The following CDH12 variants were observed in gnomAD, a reference collection of about 807,000 sequenced individuals.
CDH12 encodes cadherin-12.
A neutral mutation model predicts 74.1 loss-of-function variants in CDH12; 41 were observed. The ratio of observed to expected loss-of-function variants is 0.55; its 90% confidence interval spans 0.43 to 0.72. The LOEUF is 0.72. CDH12 is among the 30% of genes least tolerant of loss of function. The pLI is 0.00. For synonymous variants in CDH12, 399 were observed against 355.0 expected, an observed-to-expected ratio of 1.12 and a Z score of -1.39; for missense variants, 945 against 977.2, an observed-to-expected ratio of 0.97 and a Z score of 0.44.
At chr5:22,850,756 G>C (rs1331286960) in intron 1 of CDH12, among the ~76,000 whole-genome samples, 1 of 152,048 alleles carries the variant, frequency 6.6e-6, no homozygotes, top group Non-Finnish European at 1.5e-5. Flanking sequence ...TTACAACAGA[G>C]TCTGCTAGTA....
intron 4 of CDH12, among the ~76,000 whole-genome samples, chr5:22,160,271 T>TAA (rs1748266538): frequency 1.3e-5 from 2 of 152,162 alleles, no homozygotes; most frequent in Non-Finnish European, 2.9e-5. Flanking sequence ...CAAAACAAAA[T>TAA]AAATTATTAA....
At chr5:21,859,883 A>T (rs921628695) in intron 6 of CDH12, among the ~76,000 whole-genome samples, 2 of 151,954 alleles carry the variant, frequency 1.3e-5, no homozygotes, top group African/African-American at 2.4e-5. Flanking sequence ...GAATACAGGA[A>T]ATCTCTTAGG....
chr5:21,892,320 G>A (rs919691409), intron 6 of CDH12, among the ~76,000 whole-genome samples: 1 of 152,108 alleles, frequency 6.6e-6, no homozygotes, highest in Admixed American at 6.6e-5. Context: ...TCATGGTGAT[G>A]AGCTGTCTTG....
At chr5:21,804,139 T>C (rs1747293671) in intron 9 of CDH12, among the ~76,000 whole-genome samples, 1 of 152,198 alleles carries the variant, frequency 6.6e-6, no homozygotes, top group Admixed American at 6.5e-5. Flanking sequence ...GCTAACCTCA[T>C]ACCTGTTAAC....
chr5:22,366,204 G>T (rs1314961356), intron 3 of CDH12, among the ~76,000 whole-genome samples: 3 of 151,982 alleles, frequency 2.0e-5, no homozygotes, highest in Non-Finnish European at 4.4e-5. Flanking sequence ...TGATCCACCT[G>T]TCTTGGCTTC....
chr5:22,674,349 T>G (rs1312884117), intron 1 of CDH12, among the ~76,000 whole-genome samples: 1 of 152,190 alleles, frequency 6.6e-6, no homozygotes, highest in Non-Finnish European at 1.5e-5. Flanking sequence ...ACAAGCTCTC[T>G]TCTCTTGTCT....
At chr5:22,618,962 A>G (rs959479773) in intron 1 of CDH12, among the ~76,000 whole-genome samples, 1 of 151,988 alleles carries the variant, frequency 6.6e-6, no homozygotes. Context: ...ATCTTCCTCC[A>G]TCATTGTGAG....
At chr5:22,607,400 TGCCCGGGGAG>T (rs1231143048) in intron 1 of CDH12, among the ~76,000 whole-genome samples, 1 of 152,198 alleles carries the variant, frequency 6.6e-6, no homozygotes, top group African/African-American at 2.4e-5. Flanking sequence ...CAGTTCCACA[TGCCCGGGGAG>T]GCCTCAGAAT....
chr5:22,268,373 G>A (rs187172602), intron 3 of CDH12, among the ~76,000 whole-genome samples: 59 of 152,008 alleles, frequency 3.9e-4, no homozygotes, highest in African/African-American at 1.4e-3. Flanking sequence ...GTAAAATATT[G>A]AATCCTGGAA....
At chr5:22,214,355 G>C (rs897681654) in intron 3 of CDH12, among the ~76,000 whole-genome samples, 1 of 152,080 alleles carries the variant, frequency 6.6e-6, no homozygotes, top group African/African-American at 2.4e-5. Flanking sequence ...AACAATTTTT[G>C]CTGCTGTAAA....
intron 1 of CDH12, among the ~76,000 whole-genome samples, chr5:22,714,145 T>C (rs1199689012): frequency 6.6e-6 from 1 of 152,230 alleles, no homozygotes; most frequent in African/African-American, 2.4e-5. Context: ...GAGCTAATAT[T>C]CAAGCAAAAT....
Position 22,573,436 on chromosome 5 carries a change from TA to T in CDH12, c.-522-68073del, listed in dbSNP as rs199573158. ...TACAGTTTATTTAACAATATGTATATAAAAAATATTGCTCAGATCCACAAAA... is the reference window on the plus strand; with the variant it reads ...TACAGTTTATTTAACAATATGTATATAAAAATATTGCTCAGATCCACAAAA... On this transcript the variant is annotated intron_variant, in intron 1 of 14. Transcript: ENST00000382254. Among the ~76,000 whole-genome samples, 1,038 of 152,242 alleles carry T rather than the reference TA, an allele frequency of 6.8e-3. 12 individuals are homozygous for T. The highest frequency in any genetic ancestry group is 0.023 in the African/African-American group (954 of 41,540).
intron 3 of CDH12, among the ~76,000 whole-genome samples, chr5:22,320,515 A>G (rs926438576): frequency 1.3e-5 from 2 of 152,288 alleles, no homozygotes; most frequent in African/African-American, 4.8e-5. Context: ...AGTAAAATAA[A>G]AATATGTAGG....
At chr5:22,495,605 T>C (rs1007129423) in intron 2 of CDH12, among the ~76,000 whole-genome samples, 1 of 152,160 alleles carries the variant, frequency 6.6e-6, no homozygotes, top group Non-Finnish European at 1.5e-5. Flanking sequence ...TAAATATATA[T>C]ATGTATGAAT....
At chr5:21,857,618 G>A (rs371481112) in intron 6 of CDH12, among the ~76,000 whole-genome samples, 5 of 151,834 alleles carry the variant, frequency 3.3e-5, no homozygotes, top group South Asian at 2.1e-4. Context: ...AAAGAACAGA[G>A]AAACTGATCA....
chr5:22,291,590 C>A (rs1737390304), intron 3 of CDH12, among the ~76,000 whole-genome samples: 1 of 151,976 alleles, frequency 6.6e-6, no homozygotes, highest in Non-Finnish European at 1.5e-5. Flanking sequence ...AAGCAAGAAA[C>A]CAATCCTATT....
chr5:22,682,839 T>C (rs1301989987), intron 1 of CDH12, among the ~76,000 whole-genome samples: 1 of 152,038 alleles, frequency 6.6e-6, no homozygotes, highest in East Asian at 1.9e-4. Flanking sequence ...TATTACTAAC[T>C]TGTCATTGAT....
intron 1 of CDH12, among the ~76,000 whole-genome samples, chr5:22,779,072 CTGTT>C (rs746798958): frequency 3.9e-5 from 6 of 151,976 alleles, no homozygotes; most frequent in Non-Finnish European, 8.8e-5. Flanking sequence ...GGTTCATTTT[CTGTT>C]TATTTTTATT....
intron 1 of CDH12, among the ~76,000 whole-genome samples, chr5:22,844,208 A>G (rs1737202496): frequency 6.6e-6 from 1 of 152,122 alleles, no homozygotes; most frequent in South Asian, 2.1e-4. Context: ...GTCATCATAC[A>G]CAAAGCTTCA....
Sources: gnomAD v4.1 joint callset for allele counts (sites outside exome capture counted in the v4.1 genomes callset) on GRCh38, gnomAD v4.1.1 for gene constraint, MANE v1.5 for transcripts, NCBI Gene and HGNC (gene_info 2026-07-23, HGNC 2026-07-21) for gene names.